C12orf42: variants seen among roughly 807,000 people sequenced by gnomAD.
The protein encoded by C12orf42 is chromosome 12 open reading frame 42.
In C12orf42, 25 loss-of-function variants were observed where a neutral mutation model predicts 21.6. The observed-to-expected ratio is 1.16, with a 90% CI of 0.84 to 1.62. The LOEUF (loss-of-function observed/expected upper bound fraction) is 1.62, where lower values mean the gene tolerates loss of function less well. Ranked by LOEUF, C12orf42 falls within the 40% of genes most tolerant of loss-of-function variation. The probability of loss-of-function intolerance (pLI) is 0.00; values close to 1 mark genes in which losing one functional copy is unlikely to be tolerated. For synonymous variants in C12orf42, 174 were observed against 175.0 expected, an observed-to-expected ratio of 0.99 and a Z score of 0.05; for missense variants, 483 against 459.3, an observed-to-expected ratio of 1.05 and a Z score of -0.47.
chr12:103,177,579 G>C, the C12orf42 span, among the ~76,000 whole-genome samples: 1 of 152,152 alleles, frequency 6.6e-6, no homozygotes, highest in Non-Finnish European at 1.5e-5. Flanking sequence ...GCATAGAACT[G>C]CCACTATGGG....
chr12:103,338,932 A>T (rs2041947088), intron 4 of C12orf42, among the ~76,000 whole-genome samples: 1 of 152,224 alleles, frequency 6.6e-6, no homozygotes, highest in African/African-American at 2.4e-5. Flanking sequence ...GCCACAAGGC[A>T]CAAGCATATC....
the C12orf42 span, among the ~76,000 whole-genome samples, chr12:103,103,572 T>C: frequency 6.6e-6 from 1 of 152,214 alleles, no homozygotes; most frequent in Non-Finnish European, 1.5e-5. Flanking sequence ...TTTTATTTAA[T>C]CATAGCCCCT....
intron 5 of C12orf42, among the ~76,000 whole-genome samples, chr12:103,271,501 A>G (rs1023260306): frequency 6.6e-6 from 1 of 151,956 alleles, no homozygotes; most frequent in African/African-American, 2.4e-5. Flanking sequence ...TACTTGTGTG[A>G]CTCCAGCAAG....
the C12orf42 span, among the ~76,000 whole-genome samples, chr12:103,524,982 A>G: frequency 7.2e-6 from 1 of 139,744 alleles, no homozygotes; most frequent in South Asian, 2.6e-4. Flanking sequence ...GCAGGGGGGC[A>G]GGTCTGGGGA....
At chr12:103,560,750 G>A in the C12orf42 span, among the ~76,000 whole-genome samples, 7 of 152,164 alleles carry the variant, frequency 4.6e-5, no homozygotes, top group African/African-American at 1.2e-4. Context: ...CTAGTCATAC[G>A]CAAAGTCCAT....
At chr12:103,280,283 G>A (rs1415947827) in intron 4 of C12orf42, among the ~76,000 whole-genome samples, 1 of 152,148 alleles carries the variant, frequency 6.6e-6, no homozygotes, top group Non-Finnish European at 1.5e-5. Flanking sequence ...GGTCTGTGCT[G>A]TGAGCAACAA....
At chr12:103,164,799 C>T in the C12orf42 span, 8 of 439,420 alleles carry the variant, frequency 1.8e-5, no homozygotes, top group African/African-American at 1.4e-4. Flanking sequence ...ATTCAATTAC[C>T]GGTTCAGTAG....
intron 1 of C12orf42, among the ~76,000 whole-genome samples, chr12:103,489,857 C>T (rs749239800): frequency 1.3e-5 from 2 of 152,184 alleles, no homozygotes; most frequent in African/African-American, 2.4e-5. Context: ...TAGCTTGTCA[C>T]GGCTTCCCTT....
the C12orf42 span, among the ~76,000 whole-genome samples, chr12:103,224,181 G>A: frequency 1.7e-4 from 26 of 152,322 alleles, no homozygotes; most frequent in African/African-American, 3.6e-4. Flanking sequence ...CTCAGGTCAC[G>A]TTGAGTAAAG....
the C12orf42 span, among the ~76,000 whole-genome samples, chr12:103,099,001 C>T: frequency 6.6e-6 from 1 of 152,048 alleles, no homozygotes; most frequent in Non-Finnish European, 1.5e-5. Flanking sequence ...AGGGAAAGCA[C>T]ATCTTAAGAG....
the C12orf42 span, among the ~76,000 whole-genome samples, chr12:103,114,076 T>G: frequency 1.3e-5 from 2 of 152,124 alleles, no homozygotes; most frequent in African/African-American, 4.8e-5. Flanking sequence ...ACTAGAAAAA[T>G]TCTAAAAACT....
At chr12:103,080,254 A>G in the C12orf42 span, among the ~76,000 whole-genome samples, 3 of 152,136 alleles carry the variant, frequency 2.0e-5, no homozygotes, top group African/African-American at 7.2e-5. Context: ...GATAGATGTG[A>G]AATCCTCACC....
intron 3 of C12orf42, among the ~76,000 whole-genome samples, chr12:103,385,382 C>T (rs1203260011): frequency 6.6e-6 from 1 of 152,126 alleles, no homozygotes; most frequent in African/African-American, 2.4e-5. Context: ...AATCTATTGG[C>T]ACTGCATGTT....
At chr12:103,323,500 GCAA>G (rs1210026142) in intron 4 of C12orf42, among the ~76,000 whole-genome samples, 1 of 152,080 alleles carries the variant, frequency 6.6e-6, no homozygotes, top group Non-Finnish European at 1.5e-5. Context: ...ATACAGTTTA[GCAA>G]CAGGAAAAAT....
rs1047687277 is a variant in C12orf42, at chr12:103,276,664, A to G, written n.398+486T>C. Among the ~76,000 whole-genome samples the G allele has an allele frequency of 3.3e-5, 5 of 152,334 alleles. No individual in the cohort carries two copies. The East Asian group carries it at 9.6e-4, about 29-fold the overall frequency. ...ACCAATGGGGTAAGTAAAGGTGACC[A>G]AAAAATAGATCAATCTTTGATCTTG... On this transcript the variant is annotated intron_variant and non_coding_transcript_variant, in intron 5 of 6. Transcript: ENST00000546526.
intron 4 of C12orf42, among the ~76,000 whole-genome samples, chr12:103,308,207 C>T (rs2038569058): frequency 6.6e-6 from 1 of 152,112 alleles, no homozygotes; most frequent in Non-Finnish European, 1.5e-5. Flanking sequence ...ATTTAGAAAA[C>T]ACTTGACAAA....
exon 7 of C12orf42, chr12:103,268,662 A>C (rs2035291986): frequency 6.6e-6 from 1 of 152,084 alleles, no homozygotes; most frequent in Non-Finnish European, 1.5e-5. Flanking sequence ...AAGAGAGTGC[A>C]GGTGTTTAAG....
chr12:103,085,129 T>C, the C12orf42 span, among the ~76,000 whole-genome samples: 1 of 152,146 alleles, frequency 6.6e-6, no homozygotes, highest in African/African-American at 2.4e-5. Context: ...GAAATTATAA[T>C]GAAAAAGCAA....
the C12orf42 span, among the ~76,000 whole-genome samples, chr12:103,541,521 C>T: frequency 5.3e-5 from 8 of 152,154 alleles, no homozygotes; most frequent in Admixed American, 3.9e-4. Flanking sequence ...CCTACTGTGC[C>T]GCCAGTTGTA....
Sources: allele counts gnomAD v4.1 joint callset (sites outside exome capture counted in the v4.1 genomes callset), GRCh38; gene constraint gnomAD v4.1.1; transcripts MANE v1.5; gene names NCBI Gene and HGNC (gene_info 2026-07-23, HGNC 2026-07-21).